Variants in TOPORS observed in about 807,000 individuals in gnomAD.
TOPORS encodes the protein E3 ubiquitin-protein ligase Topors.
A neutral mutation model predicts 81.4 loss-of-function variants in TOPORS; 25 were observed. The ratio of observed to expected loss-of-function variants is 0.31; its 90% confidence interval spans 0.22 to 0.43. TOPORS has a LOEUF of 0.43. Ranked by LOEUF, TOPORS falls within the 20% of genes least tolerant of loss-of-function variation. TOPORS has a pLI of 1.00. For synonymous variants in TOPORS, 473 were observed against 456.6 expected (o/e 1.04, Z -0.46); for missense variants, 1,101 against 1,267.0 (o/e 0.87, Z 1.99).
chr9:32,551,027 C>A, intron 1 of TOPORS, 59 bp from the exon 2 acceptor site: 1 of 1,573,912 alleles, frequency 6.4e-7, no homozygotes, highest in South Asian at 1.1e-5. Context: ...AGAGCGAGAC[C>A]CACCCCCCAG....
rs1486073818 is a variant in TOPORS at position 32,542,263 on chromosome 9, A to G, written c.2262T>C (p.Asn754=). 1.9e-6 allele frequency: 3 copies of G among 1,613,560 alleles called. No individual in the cohort carries two copies. Among genetic ancestry groups the G allele is most frequent in the Non-Finnish European group, 2.5e-6 (3 of 1,179,940 alleles). ...AGTAATACTTCCTCTCACTGTGATT[A>G]TTTTTTTTCCTAGCATTTGTTCTTT... ...FSERTNARKK[N]NHSERKYYYY... Residue 754 remains asparagine, a synonymous_variant, in exon 3 of 3, where the codon AAT becomes AAC. Coordinates refer to ENST00000360538, the MANE Select transcript of TOPORS (RefSeq NM_005802.5).
chr9:32,543,744 T>A lies in TOPORS; in HGVS notation c.781A>T (p.Thr261Ser). ...ACTCGAGCACCAGCACGATAAAGAG[T>A]TCGTCTAAAATTAATAATATCTTGT... is the stretch of plus-strand genomic sequence containing the variant. ...QEQDIINFRR[T>S]LYRAGARVRN... The change falls in exon 3 of 3, where the codon ACT becomes TCT. Residue 261 changes from threonine to serine, a missense_variant. Transcript: ENST00000360538. This position sits in a 1 kb window ranked among gnomAD's most constrained non-coding sequence, Gnocchi z 5.6. 1 of 1,611,706 alleles carries A rather than the reference T, an allele frequency of 6.2e-7. No individual in the cohort carries two copies. The highest frequency in any genetic ancestry group is 8.5e-7 in the Non-Finnish European group (1 of 1,178,500).
At chr9:32,551,508 G>C (rs1020673099) in intron 1 of TOPORS, 1 of 274,672 alleles carries the variant, frequency 3.6e-6, no homozygotes, top group African/African-American at 2.2e-5. Context: ...ACAGGGCCTG[G>C]ACTCCTCCCT....
At chr9:32,547,500 T>C (rs533072832) in intron 2 of TOPORS, among the ~76,000 whole-genome samples, 3 of 152,338 alleles carry the variant, frequency 2.0e-5, no homozygotes, top group African/African-American at 7.2e-5. Flanking sequence ...ATCCACACTA[T>C]GGAATTTTAT....
In TOPORS at chr9:32,543,830, C is replaced by T; in HGVS notation, c.695G>A (p.Arg232Lys). 1 of 1,614,116 alleles carries T rather than the reference C, an allele frequency of 6.2e-7. No homozygotes were observed. Among genetic ancestry groups the T allele is most frequent in the Non-Finnish European group, 8.5e-7 (1 of 1,180,014 alleles). The stretch of plus-strand genomic sequence containing the variant: ...AGTTGGCCTCCTTACTGCAATCTGT[C>T]TCATAAACTGAGGAATTTCAACATC... ...PRDVEIPQFM[R>K]QIAVRRPTTA... is the part of the protein sequence containing the mutation. The change falls in exon 3 of 3, where the codon AGA (arginine) becomes AAA (lysine). Residue 232 changes from arginine to lysine, a missense_variant. Physicochemically the swap from Arg to Lys is conservative, Grantham distance 26. Coordinates refer to ENST00000360538, the MANE Select transcript of TOPORS (RefSeq NM_005802.5). This position sits in a 1 kb window ranked among gnomAD's most constrained non-coding sequence, Gnocchi z 5.6.
chr9:32,543,153 T>C lies in TOPORS; in HGVS notation c.1372A>G (p.Ile458Val), dbSNP rs1268644605. Residue 458 changes from isoleucine (I) to valine (V), a missense_variant, in exon 3 of 3, where the codon ATA becomes GTA. This residue lies in a region of TOPORS where 103 missense variants were observed against 112.1 expected (regional missense o/e 0.92). Coordinates refer to ENST00000360538, the MANE Select transcript of TOPORS (RefSeq NM_005802.5). The surrounding 1 kb of genome is among the most constrained non-coding windows in gnomAD (Gnocchi z 5.6). Reference sequence around the variant, plus strand: ...TCGTCATTGGTTTGTACTCCTTGTATCTGAGACGTGGCTCCTCCTGTGACA... The same window carrying C: ...TCGTCATTGGTTTGTACTCCTTGTACCTGAGACGTGGCTCCTCCTGTGACA... ...ELVTGGATSQ[I>V]QGVQTNDDLN... 2 of 1,613,960 alleles carry C rather than the reference T, an allele frequency of 1.2e-6. No homozygotes were observed.
rs892273243 is a variant in TOPORS at position 32,542,299 on chromosome 9, C to T, written c.2226G>A (p.Gln742=). The part of the protein sequence containing the change: ...RQSSSPEFRV[Q]SFSERTNARK... ...TAGCATTTGTTCTTTCAGAAAAGGA[C>T]TGAACTCTAAATTCTGGACTTGAAG... Residue 742 remains glutamine (Q), a synonymous_variant, in exon 3 of 3, where the codon CAG becomes CAA. Coordinates refer to ENST00000360538, the MANE Select transcript of TOPORS (RefSeq NM_005802.5). 1 of 1,614,156 alleles carries T rather than the reference C, an allele frequency of 6.2e-7. No homozygotes were observed. Among genetic ancestry groups the T allele is most frequent in the Admixed American group, 1.7e-5 (1 of 60,018 alleles).
intron 1 of TOPORS, chr9:32,551,213 G>T: frequency 1.7e-6 from 1 of 601,896 alleles, no homozygotes; most frequent in South Asian, 1.9e-5. Context: ...TCAGCCACTG[G>T]GGACACTGAC....
intron 1 of TOPORS, chr9:32,552,173 G>A (rs1323415136): frequency 4.4e-5 from 23 of 518,104 alleles, no homozygotes; most frequent in Admixed American, 1.1e-4. Context: ...TCCTTAGTTG[G>A]CAAAAAAAAA....
At position 32,540,687 on chromosome 9, in the gene TOPORS, A is replaced by G. The variant is rs1821043401; in HGVS notation, c.*700T>C. 6.5e-6 allele frequency: 1 copy of G among 152,682 alleles called. No individual in the cohort carries two copies. The highest frequency in any genetic ancestry group is 2.4e-5 in the African/African-American group (1 of 41,476). The allele number at this position is 152,682 out of a possible 1,614,324, so 9.5% of individuals were successfully genotyped here. ...TCACCTGAAGTTCAGTATTTATGACATAATTATGCCCTTAGCTACTTTCAA... is the reference window on the plus strand; with the variant it reads ...TCACCTGAAGTTCAGTATTTATGACGTAATTATGCCCTTAGCTACTTTCAA... On this transcript the variant is annotated 3_prime_UTR_variant, in exon 3 of 3. Coordinates refer to ENST00000360538, the MANE Select transcript of TOPORS (RefSeq NM_005802.5).
intron 2 of TOPORS, among the ~76,000 whole-genome samples, chr9:32,548,591 T>C (rs1821174432): frequency 6.6e-6 from 1 of 152,060 alleles, no homozygotes; most frequent in Non-Finnish European, 1.5e-5. Context: ...TGAATTTAAG[T>C]AGCAAAGGTA....
At chr9:32,551,194 T>G in intron 1 of TOPORS, 1 of 617,488 alleles carries the variant, frequency 1.6e-6, no homozygotes, top group Non-Finnish European at 2.9e-6. Flanking sequence ...CCCATCTTGT[T>G]ACTGGTACTC....
intron 2 of TOPORS, among the ~76,000 whole-genome samples, chr9:32,546,789 G>C (rs948336179): frequency 2.0e-5 from 3 of 152,138 alleles, no homozygotes; most frequent in Non-Finnish European, 2.9e-5. Flanking sequence ...AAAGGTGAAT[G>C]AATGACTGGT....
chr9:32,541,763 T>C lies in TOPORS; in HGVS notation c.2762A>G (p.Lys921Arg), dbSNP rs1321169201. 7 of 1,614,206 alleles carry C rather than the reference T, an allele frequency of 4.3e-6. No individual in the cohort carries two copies. The highest frequency in any genetic ancestry group is 5.9e-6 in the Non-Finnish European group (7 of 1,180,028). ...ACTATTGTCACATTCTGTATCCTCC[T>C]TTACTTCAGAATCCTTATCACTGTC... is the stretch of plus-strand genomic sequence containing the variant. ...DSDSDKDSEV[K>R]EDTECDNSGP... is the part of the protein sequence containing the mutation. Residue 921 changes from lysine (K) to arginine (R), a missense_variant, in exon 3 of 3, where the codon AAG becomes AGG. Transcript: ENST00000360538.
intron 1 of TOPORS, chr9:32,551,711 A>G (rs72712913): frequency 0.027 from 10,486 of 387,232 alleles, 220 homozygotes; most frequent in Middle Eastern, 0.077. Context: ...CGCCCACCAA[A>G]CTGCCGTGCT....
rs745677183 is a variant in TOPORS at position 32,543,290 on chromosome 9, C to A, written c.1235G>T (p.Ser412Ile). Residue 412 changes from serine to isoleucine, a missense_variant, in exon 3 of 3, where the codon AGT (serine) becomes ATT (isoleucine). By Grantham distance (142) the Ser-to-Ile change is moderately radical. Transcript: ENST00000360538. This position sits in a 1 kb window ranked among gnomAD's most constrained non-coding sequence, Gnocchi z 5.6. Reference sequence around the variant, plus strand: ...AGTTTCATCATCCCATGGTGCCTGACTAACAGTGGCTACATTAATATCCAG... The same window carrying A: ...AGTTTCATCATCCCATGGTGCCTGAATAACAGTGGCTACATTAATATCCAG... Reference protein sequence around the residue: ...QELDINVATVSQAPWDDETPG... With the variant: ...QELDINVATVIQAPWDDETPG... 3 of 1,613,932 alleles carry A rather than the reference C, an allele frequency of 1.9e-6. No individual in the cohort carries two copies. The Admixed American group carries it at 5.0e-5, about 27-fold the overall frequency.
chr9:32,549,866 G>C (rs1391009241), intron 2 of TOPORS, among the ~76,000 whole-genome samples: 2 of 152,068 alleles, frequency 1.3e-5, no homozygotes, highest in Non-Finnish European at 2.9e-5. Flanking sequence ...AACTCCAAAA[G>C]AAGATACAAA....
Position 32,542,111 on chromosome 9 carries a change from C to T in TOPORS, c.2414G>A (p.Gly805Asp). 1.2e-6 allele frequency: 2 copies of T among 1,614,144 alleles called. No individual in the cohort carries two copies. Among genetic ancestry groups the T allele is most frequent in the Non-Finnish European group, 1.7e-6 (2 of 1,179,998 alleles). The change falls in exon 3 of 3, where the codon GGT becomes GAT. Residue 805 changes from glycine (G) to aspartate (D), a missense_variant. By Grantham distance (94) the Gly-to-Asp change is moderately conservative. Coordinates refer to ENST00000360538, the MANE Select transcript of TOPORS (RefSeq NM_005802.5). Reference sequence around the variant, plus strand: ...AGATGGCTGAGCCACTTCGTTAGTACCCTCCAAATGCCGTGTTTTGTATTT... The same window carrying T: ...AGATGGCTGAGCCACTTCGTTAGTATCCTCCAAATGCCGTGTTTTGTATTT... ...KRKYKTRHLEGTNEVAQPSRE... is the reference protein window; with the variant it reads ...KRKYKTRHLEDTNEVAQPSRE...
intron 2 of TOPORS, among the ~76,000 whole-genome samples, chr9:32,548,952 A>G (rs141849786): frequency 3.2e-4 from 48 of 152,298 alleles, no homozygotes; most frequent in African/African-American, 1.1e-3. Flanking sequence ...GGATATTTGA[A>G]AAACTGCACA....
Sources: allele counts gnomAD v4.1 joint callset (sites outside exome capture counted in the v4.1 genomes callset), GRCh38; gene constraint gnomAD v4.1.1; regional missense constraint gnomAD v4.1.1; non-coding constraint Gnocchi (gnomAD v3.1); transcripts MANE v1.5; gene names NCBI Gene and HGNC (gene_info 2026-07-23, HGNC 2026-07-21).